KIAA0513: variants seen among roughly 807,000 people sequenced by gnomAD.
KIAA0513 encodes uncharacterized protein KIAA0513.
In KIAA0513, 39 loss-of-function variants were observed where a neutral mutation model predicts 56.5. The observed-to-expected ratio is 0.69, with a 90% CI of 0.53 to 0.90. The LOEUF (loss-of-function observed/expected upper bound fraction) is 0.90. Ranked by LOEUF, KIAA0513 falls within the 40% of genes least tolerant of loss-of-function variation. The probability of loss-of-function intolerance (pLI) is 0.00; values close to 1 mark genes in which losing one functional copy is unlikely to be tolerated. For missense variants in KIAA0513, 591 were observed against 535.2 expected, an observed-to-expected ratio of 1.10 and a Z score of -1.03; for synonymous variants, 268 against 215.6, an observed-to-expected ratio of 1.24 and a Z score of -2.13.
intron 1 of KIAA0513, among the ~76,000 whole-genome samples, chr16:85,030,948 A>G (rs1389790568): frequency 6.6e-6 from 1 of 152,186 alleles, no homozygotes; most frequent in Non-Finnish European, 1.5e-5. Flanking sequence ...ACAGAAGTGT[A>G]GGTCTGGAAT....
intron 2 of KIAA0513, among the ~76,000 whole-genome samples, chr16:85,068,388 A>G (rs13336987): frequency 0.29 from 43,903 of 149,780 alleles, 6,627 homozygotes; most frequent in Admixed American, 0.37. Flanking sequence ...GCTGGAATGC[A>G]GTGGCGTGAT....
intron 1 of KIAA0513, among the ~76,000 whole-genome samples, chr16:85,038,133 C>T (rs910257734): frequency 1.3e-5 from 2 of 152,172 alleles, no homozygotes; most frequent in African/African-American, 2.4e-5. Context: ...GCTCCTTCCA[C>T]GCCACCTCTG....
Position 85,079,019 on chromosome 16 carries a change from C to T in KIAA0513, c.902+16C>T, listed in dbSNP as rs200591815. Reference sequence around the variant, plus strand: ...AGCCCATCTGGTAAGGCCGAGCCCGCGGCTTCCCGTCACCCTCTTACTGAC... The same window carrying T: ...AGCCCATCTGGTAAGGCCGAGCCCGTGGCTTCCCGTCACCCTCTTACTGAC... On this transcript the variant is annotated intron_variant, in intron 8 of 12. Coordinates refer to ENST00000683363, the MANE Select transcript of KIAA0513 (RefSeq NM_001388359.1). 1.8e-4 allele frequency: 288 copies of T among 1,614,122 alleles called. No individual in the cohort carries two copies. The African/African-American group carries it at 2.2e-3, about 12-fold the overall frequency.
intron 10 of KIAA0513, 46 bp downstream of exon 10, chr16:85,082,639 C>T: frequency 1.3e-6 from 2 of 1,597,800 alleles, no homozygotes; most frequent in South Asian, 1.1e-5. Flanking sequence ...GTGCGGGCTC[C>T]TGCGAAGGCC....
intron 1 of KIAA0513, among the ~76,000 whole-genome samples, chr16:85,032,300 A>G (rs1008508502): frequency 6.6e-6 from 1 of 152,354 alleles, no homozygotes; most frequent in East Asian, 1.9e-4. Context: ...TTAAAAGGGC[A>G]CCAGTCGGAT....
At chr16:85,075,280 C>T (rs150157047) in intron 4 of KIAA0513, among the ~76,000 whole-genome samples, 78 of 152,086 alleles carry the variant, frequency 5.1e-4, no homozygotes, top group African/African-American at 1.7e-3. Flanking sequence ...AAGGTTAAAA[C>T]CCAAACAGGA....
intron 10 of KIAA0513, among the ~76,000 whole-genome samples, chr16:85,083,392 T>C (rs545965315): frequency 3.9e-5 from 6 of 152,350 alleles, no homozygotes; most frequent in East Asian, 1.9e-4. Context: ...GTAGTGTTTA[T>C]TGTCATGAGC....
intron 1 of KIAA0513, among the ~76,000 whole-genome samples, chr16:85,066,154 C>G (rs941805840): frequency 1.3e-5 from 2 of 152,146 alleles, no homozygotes; most frequent in Non-Finnish European, 2.9e-5. Context: ...GTCAGTCATT[C>G]ATGTTGAATA....
chr16:85,054,383 C>T (rs111306284), intron 1 of KIAA0513, among the ~76,000 whole-genome samples: 2,515 of 151,482 alleles, frequency 0.017, 34 homozygotes, highest in South Asian at 0.057. Flanking sequence ...TATCTCAGTG[C>T]CATTGAAATC....
chr16:85,040,413 C>G (rs942662159), intron 1 of KIAA0513, among the ~76,000 whole-genome samples: 1 of 152,040 alleles, frequency 6.6e-6, no homozygotes, highest in Admixed American at 6.5e-5. Flanking sequence ...GCCTGTAATC[C>G]CAACTACTCG....
At chr16:85,066,230 A>G (rs11644003) in intron 1 of KIAA0513, among the ~76,000 whole-genome samples, 9,963 of 152,256 alleles carry the variant, frequency 0.065, 341 homozygotes, top group Middle Eastern at 0.092. Flanking sequence ...ATAGAACTCC[A>G]GGGTGGGAAT....
Position 85,087,171 on chromosome 16 carries a change from G to T in KIAA0513, c.1186+5G>T. Reference sequence around the variant, plus strand: ...TGATTGGCAACCTGGATGAAGGTGCGTCTGGGGGAGGCTGCTGGCAGGAGG... The same window carrying T: ...TGATTGGCAACCTGGATGAAGGTGCTTCTGGGGGAGGCTGCTGGCAGGAGG... On this transcript the variant is annotated splice_donor_5th_base_variant and intron_variant, in intron 12 of 12. Transcript: ENST00000683363. The T allele has an allele frequency of 6.2e-7, 1 of 1,611,936 alleles. No individual in the cohort carries two copies. Among genetic ancestry groups the T allele is most frequent in the Non-Finnish European group, 8.5e-7 (1 of 1,177,970 alleles).
At chr16:85,037,992 A>G (rs929141079) in intron 1 of KIAA0513, among the ~76,000 whole-genome samples, 3 of 152,142 alleles carry the variant, frequency 2.0e-5, no homozygotes, top group African/African-American at 7.2e-5. Context: ...ATCTTTCCAA[A>G]ATCGAATTCA....
chr16:85,085,653 G>A (rs187225187), intron 10 of KIAA0513, among the ~76,000 whole-genome samples: 1 of 152,216 alleles, frequency 6.6e-6, no homozygotes, highest in Non-Finnish European at 1.5e-5. Context: ...CTGGAGGGAG[G>A]GGAAGGAGCC....
At chr16:85,056,928 C>T (rs1021481774) in intron 1 of KIAA0513, among the ~76,000 whole-genome samples, 30 of 152,176 alleles carry the variant, frequency 2.0e-4, no homozygotes, top group African/African-American at 7.2e-4. Context: ...TGGTCATGAA[C>T]TCCTGGCTTC....
chr16:85,078,139 C>T lies in KIAA0513; in HGVS notation c.783-276C>T, dbSNP rs558607574. Among the ~76,000 whole-genome samples the T allele has an allele frequency of 6.6e-5, 10 of 152,312 alleles. No homozygotes were observed. In the East Asian group the frequency reaches 9.7e-4, roughly 15 times the overall value. Reference sequence around the variant, plus strand: ...GAGCCCCCGGGGTCCCCTGTTCCCACTCATGGCTGGGCCACAGCCGGGTGC... The same window carrying T: ...GAGCCCCCGGGGTCCCCTGTTCCCATTCATGGCTGGGCCACAGCCGGGTGC... On this transcript the variant is annotated intron_variant, in intron 6 of 12. Coordinates refer to ENST00000683363, the MANE Select transcript of KIAA0513 (RefSeq NM_001388359.1).
At chr16:85,073,526 C>T (rs914037391) in intron 4 of KIAA0513, among the ~76,000 whole-genome samples, 2 of 152,234 alleles carry the variant, frequency 1.3e-5, no homozygotes, top group African/African-American at 4.8e-5. Flanking sequence ...GGGCCAATCC[C>T]ATCTCTGCCC....
At chr16:85,037,239 C>T (rs1228678672) in intron 1 of KIAA0513, among the ~76,000 whole-genome samples, 2 of 151,986 alleles carry the variant, frequency 1.3e-5, no homozygotes, top group African/African-American at 4.8e-5. Flanking sequence ...AAGCAGATGA[C>T]TCAGTGGCAA....
chr16:85,085,128 G>A (rs981448728), intron 10 of KIAA0513, among the ~76,000 whole-genome samples: 2 of 152,232 alleles, frequency 1.3e-5, no homozygotes, highest in African/African-American at 2.4e-5. Flanking sequence ...CCTGCGAGGG[G>A]TGCGGGGGTT....
Sources: gnomAD v4.1 joint callset for allele counts (sites outside exome capture counted in the v4.1 genomes callset) on GRCh38, gnomAD v4.1.1 for gene constraint, MANE v1.5 for transcripts, NCBI Gene and HGNC (gene_info 2026-07-23, HGNC 2026-07-21) for gene names.